MAGI2: variants seen among roughly 807,000 people sequenced by gnomAD.
MAGI2 encodes the protein membrane associated guanylate kinase, WW and PDZ domain containing 2.
Under a neutral mutation model 133.3 loss-of-function variants are expected in MAGI2, and 35 were observed. The observed-to-expected ratio is 0.26, with a 90% confidence interval of 0.20 to 0.35. The LOEUF (loss-of-function observed/expected upper bound fraction) is 0.35. Among genes scored for constraint, MAGI2 ranks in the 10% least tolerant of loss-of-function variants. The pLI, the probability that MAGI2 is intolerant of heterozygous loss-of-function variation, is 1.00. For synonymous variants in MAGI2, 729 were observed against 710.6 expected (o/e 1.03, Z -0.41); for missense variants, 1,636 against 1,863.4 (o/e 0.88, Z 2.25).
At chr7:79,376,571 G>A (rs928992125) in intron 1 of MAGI2, among the ~76,000 whole-genome samples, 1 of 151,866 alleles carries the variant, frequency 6.6e-6, no homozygotes, top group African/African-American at 2.4e-5. Context: ...AGAAGGTGAT[G>A]TCAATGACTA....
rs541721500 is a variant in MAGI2 at position 78,999,351 on chromosome 7, T to C, written c.418+7739A>G. ...ATGTTCCTTTATTCTCAAACTAGTGTCCTGTGGTGTCAAATTGATAAATCA... is the reference window on the plus strand; with the variant it reads ...ATGTTCCTTTATTCTCAAACTAGTGCCCTGTGGTGTCAAATTGATAAATCA... On this transcript the variant is annotated intron_variant, in intron 2 of 21. Transcript: ENST00000354212. 2.6e-5 allele frequency among the ~76,000 whole-genome samples: 4 copies of C among 152,134 alleles called. No individual in the cohort carries two copies. The South Asian group carries it at 8.3e-4, about 32-fold the overall frequency.
At chr7:78,682,191 G>A (rs1016932896) in intron 2 of MAGI2, among the ~76,000 whole-genome samples, 2 of 152,062 alleles carry the variant, frequency 1.3e-5, no homozygotes, top group African/African-American at 4.8e-5. Context: ...ACACAAAACT[G>A]TTCAATATTT....
intron 1 of MAGI2, chr7:79,173,077 T>C (rs1193283444): frequency 6.6e-6 from 1 of 151,986 alleles, no homozygotes; most frequent in Admixed American, 6.6e-5. Context: ...ATTAATAAAT[T>C]ATTAGAACTT....
chr7:79,019,150 A>G (rs978637984), intron 1 of MAGI2, among the ~76,000 whole-genome samples: 4 of 152,156 alleles, frequency 2.6e-5, no homozygotes, highest in African/African-American at 9.7e-5. Flanking sequence ...GCATAAAACA[A>G]CACTCAGCAA....
At chr7:78,797,569 T>C (rs1479285837) in intron 2 of MAGI2, among the ~76,000 whole-genome samples, 4 of 152,192 alleles carry the variant, frequency 2.6e-5, no homozygotes, top group African/African-American at 9.6e-5. Context: ...GTCAGTAATG[T>C]TTGCTTTTCA....
intron 3 of MAGI2, among the ~76,000 whole-genome samples, chr7:78,534,740 T>C (rs1797738270): frequency 6.6e-6 from 1 of 152,168 alleles, no homozygotes; most frequent in Admixed American, 6.5e-5. Flanking sequence ...TGATGACCAA[T>C]GTAGTCTGGT....
rs1193657162 is a variant in MAGI2, at chr7:78,603,983, C to A, written c.538+23137G>T. On this transcript the variant is annotated intron_variant, in intron 3 of 21. Coordinates refer to ENST00000354212, the MANE Select transcript of MAGI2 (RefSeq NM_012301.4). ...AGAAATTGTCCTTCATATTTTAGAG[C>A]TGATAGGCTGGTCGGATTGGCACTA... 3.9e-5 allele frequency among the ~76,000 whole-genome samples: 6 copies of A among 152,124 alleles called. No individual in the cohort carries two copies. The East Asian group carries it at 9.6e-4, about 24-fold the overall frequency.
intron 1 of MAGI2, among the ~76,000 whole-genome samples, chr7:79,275,391 G>A (rs1252397244): frequency 6.6e-6 from 1 of 152,122 alleles, no homozygotes; most frequent in African/African-American, 2.4e-5. Context: ...CCAGAGCAAG[G>A]CCCTAACTTG....
At chr7:78,874,113 A>T (rs1277487944) in intron 2 of MAGI2, among the ~76,000 whole-genome samples, 1 of 152,200 alleles carries the variant, frequency 6.6e-6, no homozygotes, top group Non-Finnish European at 1.5e-5. Flanking sequence ...TAGCAGCAAT[A>T]ACCATTATCA....
chr7:79,031,077 A>G (rs1217290929), intron 1 of MAGI2, among the ~76,000 whole-genome samples: 3 of 152,164 alleles, frequency 2.0e-5, no homozygotes, highest in Non-Finnish European at 4.4e-5. Context: ...CTTCATGAGC[A>G]TGATATAAAT....
chr7:79,175,447 G>C (rs1826010786), intron 1 of MAGI2, among the ~76,000 whole-genome samples: 1 of 151,856 alleles, frequency 6.6e-6, no homozygotes, highest in African/African-American at 2.4e-5. Flanking sequence ...CCCTAAATGA[G>C]ATTACAATGG....
At position 78,017,549 on chromosome 7, in the gene MAGI2, A is replaced by G. The variant is rs1807895957; in HGVS notation, c.*1766T>C. On this transcript the variant is annotated 3_prime_UTR_variant, in exon 22 of 22. Transcript: ENST00000354212. ...TACTGGATTTCTAGTCCAGGGGAGA[A>G]AGACTAATTGAGATTAAACCAAAAG... The G allele has an allele frequency of 6.6e-6, 1 of 152,578 alleles. No individual in the cohort carries two copies. The highest frequency in any genetic ancestry group is 6.5e-5 in the Admixed American group (1 of 15,274). 9.5% of individuals were successfully genotyped at this position (152,578 alleles called of 1,614,324 possible).
At chr7:79,437,064 C>T (rs963888993) in intron 1 of MAGI2, among the ~76,000 whole-genome samples, 7 of 151,986 alleles carry the variant, frequency 4.6e-5, no homozygotes, top group Admixed American at 2.0e-4. Context: ...GATGCATGGA[C>T]GCCATTATCC....
At chr7:78,806,867 C>T (rs1788621193) in intron 2 of MAGI2, among the ~76,000 whole-genome samples, 1 of 128,756 alleles carries the variant, frequency 7.8e-6, no homozygotes, top group Non-Finnish European at 1.6e-5. Context: ...CACCCTGTCT[C>T]AAAATAAAAT....
intron 1 of MAGI2, among the ~76,000 whole-genome samples, chr7:79,050,536 C>T (rs901882543): frequency 6.6e-6 from 1 of 152,122 alleles, no homozygotes; most frequent in Non-Finnish European, 1.5e-5. Flanking sequence ...GTGAGTGCCA[C>T]CATGCCTGGC....
chr7:79,146,879 C>G (rs1294308024), intron 1 of MAGI2, among the ~76,000 whole-genome samples: 3 of 152,308 alleles, frequency 2.0e-5, no homozygotes, highest in Non-Finnish European at 4.4e-5. Context: ...CAGTGTAACT[C>G]TGCCCTGATG....
chr7:79,225,172 C>A (rs1038869899), intron 1 of MAGI2, among the ~76,000 whole-genome samples: 2 of 152,104 alleles, frequency 1.3e-5, no homozygotes, highest in Non-Finnish European at 2.9e-5. Flanking sequence ...GCTTTTCCAC[C>A]ACCTGTGCAT....
chr7:78,392,685 T>A (rs28399145), intron 6 of MAGI2, among the ~76,000 whole-genome samples: 41 of 152,062 alleles, frequency 2.7e-4, no homozygotes, highest in African/African-American at 8.7e-4. Flanking sequence ...CTCCTGTTGC[T>A]TAGGCTAGAG....
intron 2 of MAGI2, among the ~76,000 whole-genome samples, chr7:78,923,222 C>T (rs191442286): frequency 0.032 from 4,909 of 152,220 alleles, 247 homozygotes; most frequent in African/African-American, 0.11. Context: ...TCAATTTTGG[C>T]TTTTGTTGCC....
Sources: gnomAD v4.1 joint callset for allele counts (sites outside exome capture counted in the v4.1 genomes callset) on GRCh38, gnomAD v4.1.1 for gene constraint, MANE v1.5 for transcripts, NCBI Gene and HGNC (gene_info 2026-07-23, HGNC 2026-07-21) for gene names.